The following SLC35F4 variants were observed in gnomAD, a reference collection of about 807,000 sequenced individuals.
SLC35F4 encodes chromosome 14 open reading frame 36.
In SLC35F4, 24 loss-of-function variants were observed where a neutral mutation model predicts 44.2. The observed-to-expected ratio is 0.54, with a 90% CI of 0.39 to 0.76. The LOEUF (loss-of-function observed/expected upper bound fraction) is 0.76. Among genes scored for constraint, SLC35F4 ranks in the 30% least tolerant of loss-of-function variants. The probability of loss-of-function intolerance (pLI) is 0.00; values close to 1 mark genes in which losing one functional copy is unlikely to be tolerated. For synonymous variants in SLC35F4, 238 were observed against 223.6 expected, an observed-to-expected ratio of 1.06 and a Z score of -0.57; for missense variants, 562 against 586.1, an observed-to-expected ratio of 0.96 and a Z score of 0.42.
chr14:57,672,149 G>T (rs941413430), intron 1 of SLC35F4, among the ~76,000 whole-genome samples: 2 of 151,982 alleles, frequency 1.3e-5, no homozygotes, highest in African/African-American at 4.8e-5. Context: ...TTCTGAGGTG[G>T]ACCGAGTCAC....
chr14:57,676,971 T>C (rs950645377), intron 1 of SLC35F4, among the ~76,000 whole-genome samples: 1 of 152,128 alleles, frequency 6.6e-6, no homozygotes, highest in Non-Finnish European at 1.5e-5. Context: ...CACATGTTTA[T>C]AGCAGTACAA....
intron 1 of SLC35F4, among the ~76,000 whole-genome samples, chr14:57,686,106 A>T (rs1426211077): frequency 6.6e-6 from 1 of 152,228 alleles, no homozygotes; most frequent in Non-Finnish European, 1.5e-5. Flanking sequence ...CAGAAACCTG[A>T]GTTCCAAATA....
At chr14:57,752,386 A>G (rs1387782960) in intron 1 of SLC35F4, among the ~76,000 whole-genome samples, 1 of 152,052 alleles carries the variant, frequency 6.6e-6, no homozygotes, top group Non-Finnish European at 1.5e-5. Context: ...ATTGGAAGAA[A>G]GTAACTTGAG....
At chr14:57,590,226 CAAAAAAA>C (rs55850524) in intron 2 of SLC35F4, among the ~76,000 whole-genome samples, 30 of 119,174 alleles carry the variant, frequency 2.5e-4, no homozygotes, top group African/African-American at 8.8e-4. Flanking sequence ...CTTGTCTATG[CAAAAAAA>C]AAAAAAAAAA....
intron 1 of SLC35F4, among the ~76,000 whole-genome samples, chr14:57,887,200 A>C (rs1465632065): frequency 6.6e-6 from 1 of 152,156 alleles, no homozygotes; most frequent in African/African-American, 2.4e-5. Context: ...TTGAGCAAAA[A>C]TCCGGGTAGT....
At chr14:57,940,320 A>G (rs1377226805) in intron 1 of SLC35F4, among the ~76,000 whole-genome samples, 1 of 152,238 alleles carries the variant, frequency 6.6e-6, no homozygotes, top group African/African-American at 2.4e-5. Context: ...ATACAAAAAA[A>G]AGTATGCATT....
chr14:57,883,117 G>A (rs149892906), intron 1 of SLC35F4, among the ~76,000 whole-genome samples: 7 of 152,210 alleles, frequency 4.6e-5, no homozygotes, highest in Non-Finnish European at 8.8e-5. Flanking sequence ...TATTCAAGAA[G>A]AATGCGACAT....
At chr14:57,951,778 G>A (rs538428289) in intron 1 of SLC35F4, among the ~76,000 whole-genome samples, 2 of 152,196 alleles carry the variant, frequency 1.3e-5, no homozygotes, top group Non-Finnish European at 2.9e-5. Flanking sequence ...AAAGGCAGCA[G>A]CCCCACTCAG....
intron 1 of SLC35F4, among the ~76,000 whole-genome samples, chr14:57,911,343 G>C (rs1472375316): frequency 6.6e-6 from 1 of 151,878 alleles, no homozygotes; most frequent in Non-Finnish European, 1.5e-5. Context: ...TGGTAAGCGG[G>C]GACATCTTCA....
rs963930523 is a variant in SLC35F4 at position 57,708,996 on chromosome 14, A to G, written c.104-114872T>C. Among the ~76,000 whole-genome samples, 3 of 152,196 alleles carry G rather than the reference A, an allele frequency of 2.0e-5. No homozygotes were observed. In the East Asian group the frequency reaches 5.8e-4, roughly 29 times the overall value. ...TTTCACTAATTTGCCACTGTTATCT[A>G]AAAGGCAGAGCCAGGTGTATAGGAT... is the stretch of plus-strand genomic sequence containing the variant. On this transcript the variant is annotated intron_variant, in intron 1 of 7. Transcript: ENST00000556826.
chr14:57,647,767 C>T (rs1168927864), intron 1 of SLC35F4, among the ~76,000 whole-genome samples: 4 of 152,064 alleles, frequency 2.6e-5, no homozygotes, highest in Non-Finnish European at 5.9e-5. Flanking sequence ...AACCAGAATC[C>T]TCATCCTTCA....
At chr14:57,964,987 A>T (rs979673326) in intron 1 of SLC35F4, among the ~76,000 whole-genome samples, 8,386 of 130,966 alleles carry the variant, frequency 0.064, 527 homozygotes, top group African/African-American at 0.18. Flanking sequence ...AAAAAAAAAA[A>T]AAAAATATAT....
intron 1 of SLC35F4, among the ~76,000 whole-genome samples, chr14:57,623,795 A>T (rs540532159): frequency 3.2e-4 from 48 of 152,328 alleles, no homozygotes; most frequent in Middle Eastern, 3.4e-3. Flanking sequence ...GGACACACAT[A>T]AAGCTGTGTG....
chr14:57,769,097 C>A (rs1313846304), intron 1 of SLC35F4, among the ~76,000 whole-genome samples: 1 of 152,142 alleles, frequency 6.6e-6, no homozygotes, highest in Non-Finnish European at 1.5e-5. Context: ...AGCAAGGCAG[C>A]TAAACTATCC....
chr14:57,885,292 G>T (rs1026413415), intron 1 of SLC35F4, among the ~76,000 whole-genome samples: 2 of 152,174 alleles, frequency 1.3e-5, no homozygotes, highest in Admixed American at 6.6e-5. Flanking sequence ...TTAGAGGAAT[G>T]CAGGTAATGA....
chr14:57,573,991 A>G (rs988687453), intron 4 of SLC35F4, among the ~76,000 whole-genome samples: 47 of 152,198 alleles, frequency 3.1e-4, no homozygotes, highest in African/African-American at 1.0e-3. Flanking sequence ...AGCATTCTAT[A>G]ATACATAATA....
chr14:57,826,628 A>T (rs1367944276), intron 1 of SLC35F4, among the ~76,000 whole-genome samples: 1 of 152,096 alleles, frequency 6.6e-6, no homozygotes, highest in Non-Finnish European at 1.5e-5. Flanking sequence ...AAGGTCTAAT[A>T]TCCAGAGTCT....
intron 1 of SLC35F4, among the ~76,000 whole-genome samples, chr14:57,609,770 T>A (rs1401902798): frequency 6.6e-6 from 1 of 152,224 alleles, no homozygotes; most frequent in Non-Finnish European, 1.5e-5. Context: ...GGCTTTGGAA[T>A]AAGGTAAAAA....
intron 1 of SLC35F4, among the ~76,000 whole-genome samples, chr14:57,644,630 T>G (rs928299897): frequency 6.6e-6 from 1 of 152,168 alleles, no homozygotes; most frequent in African/African-American, 2.4e-5. Flanking sequence ...TAGATCCCAT[T>G]TGTCAATTTT....
Sources: allele counts gnomAD v4.1 joint callset (sites outside exome capture counted in the v4.1 genomes callset), GRCh38; gene constraint gnomAD v4.1.1; transcripts MANE v1.5; gene names NCBI Gene and HGNC (gene_info 2026-07-23, HGNC 2026-07-21).